ROBO1: variants seen among roughly 807,000 people sequenced by gnomAD.
ROBO1 encodes the protein roundabout homolog 1.
Under a neutral mutation model 195.9 loss-of-function variants are expected in ROBO1, and 149 were observed. The observed-to-expected ratio is 0.76, with a 90% CI of 0.67 to 0.87. The LOEUF (loss-of-function observed/expected upper bound fraction) is 0.87. Ranked by LOEUF, ROBO1 falls within the 40% of genes least tolerant of loss-of-function variation. ROBO1 has a pLI of 0.00. For missense variants in ROBO1, 1,933 were observed against 2,068.3 expected (o/e 0.93, Z 1.27); for synonymous variants, 816 against 733.2 (o/e 1.11, Z -1.82).
At chr3:79,059,954 GAGTCATATTT>G (rs561924994) in intron 3 of ROBO1, among the ~76,000 whole-genome samples, 112 of 152,142 alleles carry the variant, frequency 7.4e-4, no homozygotes, top group African/African-American at 2.2e-3. Flanking sequence ...GGGCAGAACA[GAGTCATATTT>G]CTCTTCTTGC....
At chr3:79,423,250 C>T (rs1412144737) in intron 2 of ROBO1, among the ~76,000 whole-genome samples, 2 of 152,094 alleles carry the variant, frequency 1.3e-5, no homozygotes, top group African/African-American at 4.8e-5. Context: ...GGGGGTGAGT[C>T]AACCTCACCT....
At chr3:78,736,970 C>T (rs1036757298) in intron 5 of ROBO1, among the ~76,000 whole-genome samples, 2 of 152,110 alleles carry the variant, frequency 1.3e-5, no homozygotes, top group East Asian at 1.9e-4. Flanking sequence ...AAGGATAATA[C>T]GTAACTAGAA....
intron 3 of ROBO1, among the ~76,000 whole-genome samples, chr3:78,986,003 C>A (rs1487510389): frequency 6.6e-6 from 1 of 152,074 alleles, no homozygotes; most frequent in African/African-American, 2.4e-5. Flanking sequence ...AGTTAATGAT[C>A]ATGCACAAGA....
At chr3:78,940,649 A>G (rs1476838441) in intron 3 of ROBO1, among the ~76,000 whole-genome samples, 3 of 152,186 alleles carry the variant, frequency 2.0e-5, no homozygotes, top group Admixed American at 6.5e-5. Flanking sequence ...GCTCTCTCTA[A>G]TCTTTACAAG....
At chr3:79,078,892 A>G (rs2079220807) in intron 3 of ROBO1, among the ~76,000 whole-genome samples, 1 of 151,754 alleles carries the variant, frequency 6.6e-6, no homozygotes, top group African/African-American at 2.4e-5. Flanking sequence ...TTTGTAGTTC[A>G]CATTTTGCCC....
chr3:78,810,771 A>C (rs1377066970), intron 4 of ROBO1, among the ~76,000 whole-genome samples: 1 of 152,120 alleles, frequency 6.6e-6, no homozygotes, highest in Non-Finnish European at 1.5e-5. Context: ...TTGCTGCCCT[A>C]AAGTTCTTAA....
At chr3:79,096,736 ATG>A (rs966635138) in intron 3 of ROBO1, among the ~76,000 whole-genome samples, 11 of 150,264 alleles carry the variant, frequency 7.3e-5, no homozygotes, top group East Asian at 2.0e-4. Context: ...ATATGTATAT[ATG>A]TGTGTGTGTG....
intron 2 of ROBO1, among the ~76,000 whole-genome samples, chr3:79,337,442 C>G (rs138232505): frequency 3.9e-5 from 6 of 152,248 alleles, no homozygotes; most frequent in African/African-American, 1.4e-4. Context: ...GGACTTCGCT[C>G]CTCACTTGGC....
At chr3:79,721,644 T>A (rs1182387748) in intron 1 of ROBO1, among the ~76,000 whole-genome samples, 3 of 152,180 alleles carry the variant, frequency 2.0e-5, no homozygotes, top group Non-Finnish European at 4.4e-5. Context: ...CCCTGACATG[T>A]TGAACTTTTC....
intron 2 of ROBO1, among the ~76,000 whole-genome samples, chr3:79,468,380 AG>A (rs1938086666): frequency 6.6e-6 from 1 of 152,188 alleles, no homozygotes. Context: ...GGCACAGGGA[AG>A]TTAAGTGGCT....
chr3:79,201,313 C>T (rs576228338), intron 2 of ROBO1, among the ~76,000 whole-genome samples: 5 of 152,056 alleles, frequency 3.3e-5, no homozygotes, highest in Admixed American at 2.6e-4. Flanking sequence ...ACACTGTCAC[C>T]TTTGCAGTTT....
intron 1 of ROBO1, among the ~76,000 whole-genome samples, chr3:79,596,341 A>C (rs563627164): frequency 6.6e-6 from 1 of 152,166 alleles, no homozygotes; most frequent in Admixed American, 6.5e-5. Flanking sequence ...GAATGACAAA[A>C]ATAAAGGGGA....
intron 2 of ROBO1, among the ~76,000 whole-genome samples, chr3:79,230,773 G>A (rs532063906): frequency 6.6e-6 from 1 of 152,168 alleles, no homozygotes; most frequent in African/African-American, 2.4e-5. Flanking sequence ...GCAATCCTAA[G>A]CTAAAAGAAC....
chr3:79,521,909 CTCT>C (rs1941225257), intron 2 of ROBO1, among the ~76,000 whole-genome samples: 1 of 152,130 alleles, frequency 6.6e-6, no homozygotes, highest in East Asian at 1.9e-4. Context: ...TGACCTTTCC[CTCT>C]TCTTCTATCC....
chr3:78,799,365 G>A (rs922194325), intron 4 of ROBO1, among the ~76,000 whole-genome samples: 18 of 150,326 alleles, frequency 1.2e-4, no homozygotes, highest in African/African-American at 2.7e-4. Flanking sequence ...TTTTTGAAAC[G>A]GAGTCTCGCT....
intron 2 of ROBO1, chr3:79,533,051 G>C (rs115237018): frequency 1.6e-4 from 69 of 430,134 alleles, no homozygotes; most frequent in Non-Finnish European, 3.1e-4. Context: ...ATTAAAAAGG[G>C]TGGAGACGAA....
intron 3 of ROBO1, among the ~76,000 whole-genome samples, chr3:78,964,379 G>A (rs2041565230): frequency 6.6e-6 from 1 of 152,070 alleles, no homozygotes; most frequent in African/African-American, 2.4e-5. Flanking sequence ...TCTCAAATGG[G>A]GTGTACAGGG....
intron 4 of ROBO1, among the ~76,000 whole-genome samples, chr3:78,808,296 C>T (rs1359802865): frequency 6.6e-6 from 1 of 152,048 alleles, no homozygotes; most frequent in East Asian, 1.9e-4. Context: ...CCTCTGCCTC[C>T]CAGATTCAAG....
At chr3:79,639,269 T>C (rs1158797519) in intron 1 of ROBO1, among the ~76,000 whole-genome samples, 3 of 152,188 alleles carry the variant, frequency 2.0e-5, no homozygotes, top group Admixed American at 6.5e-5. Flanking sequence ...AGAATGACTT[T>C]GGGATTTTCA....
Sources: allele counts gnomAD v4.1 joint callset (sites outside exome capture counted in the v4.1 genomes callset), GRCh38; gene constraint gnomAD v4.1.1; transcripts MANE v1.5; gene names NCBI Gene and HGNC (gene_info 2026-07-23, HGNC 2026-07-21).